The following WSCD2 variants were observed in gnomAD, a reference collection of about 807,000 sequenced individuals.
WSCD2 encodes the protein WSC domain sialate O sulfotransferase 2, also known as sialate:O-sulfotransferase 2.
Under a neutral mutation model 55.7 loss-of-function variants are expected in WSCD2, and 28 were observed. That is an observed-to-expected ratio of 0.50 (90% CI 0.37 to 0.69). The LOEUF is 0.69. Among genes scored for constraint, WSCD2 ranks in the 30% least tolerant of loss-of-function variants. The pLI, the probability that WSCD2 is intolerant of heterozygous loss-of-function variation, is 0.00. For missense variants in WSCD2, 616 were observed against 762.1 expected (o/e 0.81, Z 2.26); for synonymous variants, 301 against 301.9 (o/e 1.00, Z 0.03).
chr12:108,205,147 C>T (rs1448113254), intron 2 of WSCD2, among the ~76,000 whole-genome samples: 1 of 152,148 alleles, frequency 6.6e-6, no homozygotes, highest in Non-Finnish European at 1.5e-5. Context: ...TCAATGTTCT[C>T]CACTTCACAT....
In WSCD2 at chr12:108,248,451, C is replaced by A. The variant is rs571167634; in HGVS notation, c.*108C>A. 2.7e-6 allele frequency: 4 copies of A among 1,459,658 alleles called. No individual in the cohort carries two copies. In the African/African-American group the frequency reaches 5.7e-5, roughly 21 times the overall value. 90.4% of individuals were successfully genotyped at this position (1,459,658 alleles called of 1,614,324 possible). On this transcript the variant is annotated 3_prime_UTR_variant, in exon 9 of 9. Transcript: ENST00000547525. This position sits in a 1 kb window ranked among gnomAD's most constrained non-coding sequence, Gnocchi z 4.3. ...ATCTGTCCTCTCTTTGGTCTGGGGA[C>A]AATCCCCTTGGCTGCTCTTTGCCTT...
At chr12:108,145,705 A>G (rs1332162058) in intron 1 of WSCD2, among the ~76,000 whole-genome samples, 1 of 152,232 alleles carries the variant, frequency 6.6e-6, no homozygotes, top group Admixed American at 6.5e-5. Context: ...TAACTGTGAA[A>G]AACAGGAACT....
chr12:108,166,745 CTTCTTTCTTTCTTTCTTTTCTTTCT>C (rs1421946298), intron 1 of WSCD2, among the ~76,000 whole-genome samples: 2 of 49,472 alleles, frequency 4.0e-5, no homozygotes, highest in Middle Eastern at 0.019. Context: ...TCTTTCTTTC[CTTCTTTCTTTCTTTCTTTTCTTTCT>C]TTCTTTCTTT....
intron 1 of WSCD2, among the ~76,000 whole-genome samples, chr12:108,169,986 G>A (rs980812245): frequency 6.6e-6 from 1 of 152,204 alleles, no homozygotes; most frequent in Non-Finnish European, 1.5e-5. Context: ...GCTGAAGGCA[G>A]AGACTGTGCT....
intron 1 of WSCD2, among the ~76,000 whole-genome samples, chr12:108,165,265 G>A (rs1321719682): frequency 6.6e-6 from 1 of 152,190 alleles, no homozygotes; most frequent in African/African-American, 2.4e-5. Flanking sequence ...CAGAGTTCAG[G>A]TCCTGGTCAT....
intron 7 of WSCD2, among the ~76,000 whole-genome samples, chr12:108,233,791 CTTGGG>C (rs1889018495): frequency 6.6e-6 from 1 of 152,252 alleles, no homozygotes; most frequent in African/African-American, 2.4e-5. Context: ...TGAAATGCCC[CTTGGG>C]CATGAAGCCC....
intron 7 of WSCD2, among the ~76,000 whole-genome samples, chr12:108,239,787 T>C (rs1180819184): frequency 2.0e-5 from 3 of 152,316 alleles, no homozygotes; most frequent in East Asian, 3.9e-4. Context: ...TGATCATAGC[T>C]CACTGCAGCC....
intron 6 of WSCD2, among the ~76,000 whole-genome samples, chr12:108,232,195 T>C (rs1363474041): frequency 6.6e-6 from 1 of 152,180 alleles, no homozygotes; most frequent in African/African-American, 2.4e-5. Context: ...CATCCTATAC[T>C]CAAAAGGCAT....
chr12:108,174,683 T>G (rs974876486), intron 1 of WSCD2, among the ~76,000 whole-genome samples: 3 of 152,332 alleles, frequency 2.0e-5, no homozygotes, highest in Admixed American at 6.5e-5. Flanking sequence ...GGCACAAGCA[T>G]AGCTCACTGC....
At chr12:108,140,295 A>G (rs1470313025) in intron 1 of WSCD2, among the ~76,000 whole-genome samples, 1 of 152,174 alleles carries the variant, frequency 6.6e-6, no homozygotes, top group African/African-American at 2.4e-5. Flanking sequence ...CGCCTAGCAT[A>G]TGGTACAGGT....
chr12:108,205,621 A>G (rs1885268200), intron 2 of WSCD2, among the ~76,000 whole-genome samples: 2 of 152,346 alleles, frequency 1.3e-5, no homozygotes, highest in East Asian at 3.9e-4. Flanking sequence ...CAAACTGTAA[A>G]GTACTTTACA....
At chr12:108,190,037 CTT>C (rs1882963666) in intron 1 of WSCD2, among the ~76,000 whole-genome samples, 1 of 152,176 alleles carries the variant, frequency 6.6e-6, no homozygotes, top group African/African-American at 2.4e-5. Flanking sequence ...TATATATTGA[CTT>C]ATTTAGTTCT....
chr12:108,183,670 G>A (rs748522389), intron 1 of WSCD2, among the ~76,000 whole-genome samples: 1 of 152,194 alleles, frequency 6.6e-6, no homozygotes, highest in Non-Finnish European at 1.5e-5. Flanking sequence ...GAGAAAGGCT[G>A]TCTTGTACAG....
intron 1 of WSCD2, among the ~76,000 whole-genome samples, chr12:108,184,546 G>C (rs1002134924): frequency 2.0e-5 from 3 of 152,150 alleles, no homozygotes; most frequent in African/African-American, 7.2e-5. Flanking sequence ...GGCTGCCAGG[G>C]AGCAGCGTGT....
intron 7 of WSCD2, 59 bp from the exon 8 acceptor site, chr12:108,240,285 G>A: frequency 6.3e-7 from 1 of 1,599,588 alleles, no homozygotes; most frequent in Non-Finnish European, 8.5e-7. Flanking sequence ...AAGAGAGTGG[G>A]GTGGGCTTCT....
At chr12:108,246,192 C>A (rs1340779667) in intron 8 of WSCD2, among the ~76,000 whole-genome samples, 1 of 152,210 alleles carries the variant, frequency 6.6e-6, no homozygotes, top group Non-Finnish European at 1.5e-5. Flanking sequence ...AGTTTCCTCC[C>A]TGGTGAGGAG....
intron 3 of WSCD2, among the ~76,000 whole-genome samples, chr12:108,209,659 T>C (rs1189106927): frequency 6.6e-6 from 1 of 151,906 alleles, no homozygotes; most frequent in African/African-American, 2.4e-5. Context: ...TATTCCTTCT[T>C]GGCTTTCCTG....
intron 6 of WSCD2, among the ~76,000 whole-genome samples, chr12:108,227,887 C>T (rs4964663): frequency 0.69 from 104,487 of 151,884 alleles, 36,337 homozygotes; most frequent in East Asian, 0.86. Flanking sequence ...GTGATGATGA[C>T]GATGATGGTG....
intron 2 of WSCD2, among the ~76,000 whole-genome samples, chr12:108,203,157 C>T (rs1260873831): frequency 6.6e-6 from 1 of 152,242 alleles, no homozygotes; most frequent in Admixed American, 6.5e-5. Flanking sequence ...TAGTGCTCCC[C>T]CTACCCTGGT....
Sources: allele counts gnomAD v4.1 joint callset (sites outside exome capture counted in the v4.1 genomes callset), GRCh38; gene constraint gnomAD v4.1.1; non-coding constraint Gnocchi (gnomAD v3.1); transcripts MANE v1.5; gene names NCBI Gene and HGNC (gene_info 2026-07-23, HGNC 2026-07-21).